TSPAN9: variants seen among roughly 807,000 people sequenced by gnomAD.
TSPAN9 encodes tetraspanin-9.
In TSPAN9, 16 loss-of-function variants were observed where a neutral mutation model predicts 31.0. That is an observed-to-expected ratio of 0.52 (90% CI 0.35 to 0.78). The LOEUF is 0.78. TSPAN9 is among the 30% of genes least tolerant of loss of function. The pLI, the probability that TSPAN9 is intolerant of heterozygous loss-of-function variation, is 0.01. For missense variants in TSPAN9, 272 were observed against 312.5 expected, an observed-to-expected ratio of 0.87 and a Z score of 0.98; for synonymous variants, 145 against 121.6, an observed-to-expected ratio of 1.19 and a Z score of -1.27.
At chr12:3,259,817 A>T (rs1451108200) in intron 3 of TSPAN9, among the ~76,000 whole-genome samples, 2 of 152,210 alleles carry the variant, frequency 1.3e-5, no homozygotes, top group East Asian at 3.8e-4. Context: ...TGTGAGCAAA[A>T]ACCACTGGAG....
chr12:3,226,714 A>G (rs370420828), intron 3 of TSPAN9, among the ~76,000 whole-genome samples: 4 of 4,496 alleles, frequency 8.9e-4, no homozygotes, highest in African/African-American at 2.5e-3. Flanking sequence ...GTGTATGTGT[A>G]TGTATGTGTG....
intron 3 of TSPAN9, among the ~76,000 whole-genome samples, chr12:3,207,265 C>G (rs986464264): frequency 5.3e-5 from 8 of 152,108 alleles, no homozygotes; most frequent in Non-Finnish European, 1.2e-4. Flanking sequence ...AATCCAGCTT[C>G]AGAGAGATGC....
chr12:3,251,779 C>T (rs773882718), intron 3 of TSPAN9, among the ~76,000 whole-genome samples: 41 of 152,202 alleles, frequency 2.7e-4, no homozygotes, highest in Non-Finnish European at 5.3e-4. Flanking sequence ...GGCAGCCTGT[C>T]GGCACCGGCT....
In TSPAN9 at chr12:3,170,302, A is replaced by G. The variant is rs568680482; in HGVS notation, c.-17-30875A>G. ...GTATTTTCCTTCCTTTTCCATGGAG[A>G]CAGATTTTGCAGTTACTCCAGTTTT... On this transcript the variant is annotated intron_variant, in intron 2 of 8. Transcript: ENST00000011898. This position sits in a 1 kb window ranked among gnomAD's most constrained non-coding sequence, Gnocchi z 4.4. Among the ~76,000 whole-genome samples the G allele has an allele frequency of 6.6e-6, 1 of 152,120 alleles. No homozygotes were observed. Among genetic ancestry groups the G allele is most frequent in the East Asian group, 1.9e-4 (1 of 5,170 alleles).
chr12:3,126,375 T>G (rs1271444846), intron 2 of TSPAN9, among the ~76,000 whole-genome samples: 6 of 152,168 alleles, frequency 3.9e-5, no homozygotes, highest in African/African-American at 1.4e-4. Flanking sequence ...AGCCTTTTGC[T>G]CCTAGGCTAC....
intron 3 of TSPAN9, among the ~76,000 whole-genome samples, chr12:3,262,423 C>T (rs1275755817): frequency 5.3e-5 from 8 of 151,328 alleles, no homozygotes; most frequent in South Asian, 2.1e-4. Context: ...ATGTATTCCT[C>T]GGATCTCATA....
intron 3 of TSPAN9, among the ~76,000 whole-genome samples, chr12:3,260,903 A>C (rs1266333694): frequency 1.3e-5 from 2 of 152,346 alleles, no homozygotes; most frequent in African/African-American, 4.8e-5. Flanking sequence ...GTATAGTTGC[A>C]AAAGAATATG....
chr12:3,260,008 T>C (rs1860436), intron 3 of TSPAN9, among the ~76,000 whole-genome samples: 57,130 of 152,144 alleles, frequency 0.38, 12,907 homozygotes, highest in Non-Finnish European at 0.5. Flanking sequence ...AAAGAGTCAC[T>C]TGGTTCTCTG....
At chr12:3,181,346 G>C (rs959111991) in intron 2 of TSPAN9, among the ~76,000 whole-genome samples, 3 of 152,206 alleles carry the variant, frequency 2.0e-5, no homozygotes, top group Non-Finnish European at 2.9e-5. Flanking sequence ...TTCAGACAAG[G>C]AAACTGAGAT....
chr12:3,239,383 C>T (rs945839081), intron 3 of TSPAN9, among the ~76,000 whole-genome samples: 1 of 152,214 alleles, frequency 6.6e-6, no homozygotes, highest in East Asian at 1.9e-4. Flanking sequence ...CGCTGGCACA[C>T]CCACACCTAC....
intron 2 of TSPAN9, among the ~76,000 whole-genome samples, chr12:3,085,790 C>G (rs2098300167): frequency 6.6e-6 from 1 of 152,222 alleles, no homozygotes; most frequent in Non-Finnish European, 1.5e-5. Flanking sequence ...AGTCCTGGGC[C>G]TGCCTTCTGC....
intron 2 of TSPAN9, among the ~76,000 whole-genome samples, chr12:3,125,727 T>G (rs7302492): frequency 0.59 from 90,029 of 151,738 alleles, 27,087 homozygotes; most frequent in Admixed American, 0.71. Flanking sequence ...TAGTGCCTTG[T>G]TGTTGTGGCC....
Position 3,192,605 on chromosome 12 carries a change from C to T in TSPAN9, c.-17-8572C>T, listed in dbSNP as rs1190024772. The stretch of plus-strand genomic sequence containing the variant: ...GGGGCAAGGTCAGTCCCTCCTGGAG[C>T]TGTCTGGGAGACAGCCAGGGGGATG... On this transcript the variant is annotated intron_variant, in intron 2 of 8. Coordinates refer to ENST00000011898, the MANE Select transcript of TSPAN9 (RefSeq NM_006675.5). The surrounding 1 kb of genome is among the most constrained non-coding windows in gnomAD (Gnocchi z 4.6). Among the ~76,000 whole-genome samples the T allele has an allele frequency of 6.6e-6, 1 of 152,088 alleles. No individual in the cohort carries two copies. The highest frequency in any genetic ancestry group is 1.5e-5 in the Non-Finnish European group (1 of 68,014).
intron 2 of TSPAN9, among the ~76,000 whole-genome samples, chr12:3,099,955 C>T (rs2098311052): frequency 6.6e-6 from 1 of 151,756 alleles, no homozygotes; most frequent in African/African-American, 2.4e-5. Context: ...CATTCTCCTG[C>T]CTCAGCCTCC....
At chr12:3,105,874 A>C (rs1425189803) in intron 2 of TSPAN9, among the ~76,000 whole-genome samples, 4 of 151,324 alleles carry the variant, frequency 2.6e-5, no homozygotes, top group Non-Finnish European at 5.9e-5. Flanking sequence ...ACACGCTCAC[A>C]CACACATGCA....
At chr12:3,279,551 G>A (rs1359915700) in intron 5 of TSPAN9, among the ~76,000 whole-genome samples, 2 of 152,226 alleles carry the variant, frequency 1.3e-5, no homozygotes, top group Admixed American at 6.5e-5. Flanking sequence ...GAGGACGGGC[G>A]CTGCTCCTGG....
intron 2 of TSPAN9, among the ~76,000 whole-genome samples, chr12:3,138,178 C>T (rs1341941660): frequency 6.6e-6 from 1 of 152,094 alleles, no homozygotes; most frequent in Non-Finnish European, 1.5e-5. Context: ...GTGATTTTTC[C>T]ACCCCTGGGC....
Position 3,187,162 on chromosome 12 carries a change from T to G in TSPAN9, c.-17-14015T>G, listed in dbSNP as rs1036358243. 3.3e-5 allele frequency among the ~76,000 whole-genome samples: 5 copies of G among 152,122 alleles called. No homozygotes were observed. Among genetic ancestry groups the G allele is most frequent in the Non-Finnish European group, 5.9e-5 (4 of 68,004 alleles). On this transcript the variant is annotated intron_variant, in intron 2 of 8. Transcript: ENST00000011898. This position sits in a 1 kb window ranked among gnomAD's most constrained non-coding sequence, Gnocchi z 5.2. ...GGGAGGGCCTCTGTTTTCTTTCACT[T>G]GGCAGATCACCTGTGTTCATGCCGT...
In TSPAN9 at chr12:3,283,481, C is replaced by T. The variant is rs756259604; in HGVS notation, c.*365C>T. On this transcript the variant is annotated 3_prime_UTR_variant, in exon 9 of 9. Coordinates refer to ENST00000011898, the MANE Select transcript of TSPAN9 (RefSeq NM_006675.5). ...CACATGGGGTGGGGAGCAGAGTGCC[C>T]GCCCCGTGGAGATACCGCCCCAGCG... 10 of 190,484 alleles carry T rather than the reference C, an allele frequency of 5.2e-5. No homozygotes were observed. The highest frequency in any genetic ancestry group is 1.8e-4 in the Admixed American group (3 of 16,442). The allele number at this position is 190,484 out of a possible 1,614,324, so 11.8% of individuals were successfully genotyped here.
Sources: allele counts gnomAD v4.1 joint callset (sites outside exome capture counted in the v4.1 genomes callset), GRCh38; gene constraint gnomAD v4.1.1; non-coding constraint Gnocchi (gnomAD v3.1); transcripts MANE v1.5; gene names NCBI Gene and HGNC (gene_info 2026-07-23, HGNC 2026-07-21).